Variants in CNTN5 observed in about 807,000 individuals in gnomAD.
CNTN5 encodes the protein contactin-5.
Under a neutral mutation model 129.1 loss-of-function variants are expected in CNTN5, and 77 were observed. The observed-to-expected ratio is 0.60, with a 90% CI of 0.50 to 0.72. The LOEUF is 0.72. Among genes scored for constraint, CNTN5 ranks in the 30% least tolerant of loss-of-function variants. CNTN5 has a pLI of 0.00. For synonymous variants in CNTN5, 509 were observed against 465.6 expected, an observed-to-expected ratio of 1.09 and a Z score of -1.20; for missense variants, 1,478 against 1,328.8, an observed-to-expected ratio of 1.11 and a Z score of -1.75.
intron 3 of CNTN5, among the ~76,000 whole-genome samples, chr11:99,699,986 TATGAATAC>T (rs921725247): frequency 1.2e-4 from 18 of 151,420 alleles, no homozygotes; most frequent in Admixed American, 9.3e-4. Context: ...TGAATGAATA[TATGAATAC>T]ATGAATACAT....
intron 3 of CNTN5, among the ~76,000 whole-genome samples, chr11:99,667,235 T>C (rs1952829469): frequency 6.6e-6 from 1 of 152,118 alleles, no homozygotes; most frequent in African/African-American, 2.4e-5. Flanking sequence ...TTTTACCATG[T>C]GTACCTCTCT....
intron 1 of CNTN5, among the ~76,000 whole-genome samples, chr11:99,074,816 C>CAAAAAG (rs774092442): frequency 1.3e-4 from 19 of 151,360 alleles, no homozygotes; most frequent in Non-Finnish European, 1.3e-4. Context: ...TCAGTAGATT[C>CAAAAAG]AAAAAGAAAA....
chr11:99,377,456 A>G (rs1218466009), intron 2 of CNTN5, among the ~76,000 whole-genome samples: 1 of 151,900 alleles, frequency 6.6e-6, no homozygotes, highest in East Asian at 1.9e-4. Context: ...GTTTTTTTTA[A>G]ATATTGTTTG....
chr11:100,056,764 C>A (rs1943245031), intron 9 of CNTN5, among the ~76,000 whole-genome samples: 1 of 151,490 alleles, frequency 6.6e-6, no homozygotes, highest in Non-Finnish European at 1.5e-5. Context: ...GAGGAGTGAG[C>A]AGACTCCAGG....
intron 9 of CNTN5, among the ~76,000 whole-genome samples, chr11:100,060,867 C>G (rs1049084947): frequency 1.3e-5 from 2 of 152,016 alleles, no homozygotes. Context: ...TCTCGAACTC[C>G]TGACTTAAGG....
At chr11:99,765,444 A>G (rs375525095) in intron 3 of CNTN5, among the ~76,000 whole-genome samples, 2 of 151,840 alleles carry the variant, frequency 1.3e-5, no homozygotes, top group East Asian at 1.9e-4. Context: ...GGATCATAAG[A>G]CACAACTATA....
intron 2 of CNTN5, among the ~76,000 whole-genome samples, chr11:99,391,960 G>A (rs77546579): frequency 0.029 from 4,419 of 151,894 alleles, 205 homozygotes; most frequent in African/African-American, 0.1. Context: ...AGGATAAAAT[G>A]AAACAGCACA....
chr11:99,101,923 A>G (rs1210564739), intron 1 of CNTN5, among the ~76,000 whole-genome samples: 1 of 152,156 alleles, frequency 6.6e-6, no homozygotes, highest in African/African-American at 2.4e-5. Flanking sequence ...TGCCTTCTGC[A>G]CTTCCCCAGC....
Position 99,097,493 on chromosome 11 carries a change from T to A in CNTN5, c.-210+76223T>A, listed in dbSNP as rs562060148. Among the ~76,000 whole-genome samples, 9 of 152,092 alleles carry A rather than the reference T, an allele frequency of 5.9e-5. No individual in the cohort carries two copies. In the East Asian group the frequency reaches 1.4e-3, roughly 23 times the overall value. ...TTTTTTCTGTGATATTTACATAATT[T>A]TGAAATCAAATCCATAATAGCATAC... On this transcript the variant is annotated intron_variant, in intron 1 of 24. Coordinates refer to ENST00000524871, the MANE Select transcript of CNTN5 (RefSeq NM_014361.4).
chr11:99,645,947 TAAA>T (rs1378898656), intron 3 of CNTN5, among the ~76,000 whole-genome samples: 1 of 152,154 alleles, frequency 6.6e-6, no homozygotes, highest in African/African-American at 2.4e-5. Context: ...AAGTATAACT[TAAA>T]AAATAATTGC....
At chr11:99,435,424 C>G in intron 2 of CNTN5, among the ~76,000 whole-genome samples, 1 of 152,098 alleles carries the variant, frequency 6.6e-6, no homozygotes, top group East Asian at 1.9e-4. Flanking sequence ...CTTGCTATCT[C>G]AACAGGGGTT....
At chr11:99,907,829 C>A (rs1394704370) in intron 6 of CNTN5, among the ~76,000 whole-genome samples, 1 of 151,976 alleles carries the variant, frequency 6.6e-6, no homozygotes, top group African/African-American at 2.4e-5. Flanking sequence ...AATTTTTATA[C>A]TGATAACATT....
chr11:99,862,971 G>A (rs909573256), intron 6 of CNTN5, among the ~76,000 whole-genome samples: 9 of 152,016 alleles, frequency 5.9e-5, no homozygotes, highest in Non-Finnish European at 1.0e-4. Context: ...AGGTGGCTTT[G>A]ATTACACTAA....
intron 3 of CNTN5, among the ~76,000 whole-genome samples, chr11:99,786,946 A>G (rs1156590255): frequency 6.6e-6 from 1 of 152,164 alleles, no homozygotes; most frequent in Non-Finnish European, 1.5e-5. Context: ...TATTTGCTAG[A>G]CAAATTCTTA....
At position 99,362,735 on chromosome 11, in the gene CNTN5, G is replaced by A. The variant is rs189318968; in HGVS notation, c.-71+37251G>A. 5.3e-5 allele frequency among the ~76,000 whole-genome samples: 8 copies of A among 151,384 alleles called. No individual in the cohort carries two copies. The East Asian group carries it at 5.8e-4, about 11-fold the overall frequency. The stretch of plus-strand genomic sequence containing the variant: ...GTACAGGTCCAACTTCATTATCTTC[G>A]ATGTGGATATTCAATTTTTTTCAAA... On this transcript the variant is annotated intron_variant, in intron 2 of 24. Coordinates refer to ENST00000524871, the MANE Select transcript of CNTN5 (RefSeq NM_014361.4).
chr11:99,967,822 G>T (rs1951135797), intron 8 of CNTN5, among the ~76,000 whole-genome samples: 1 of 151,918 alleles, frequency 6.6e-6, no homozygotes, highest in Non-Finnish European at 1.5e-5. Context: ...TGGCAATTTT[G>T]TACCTTCATT....
chr11:99,355,836 G>GTT (rs1034821940), intron 2 of CNTN5, among the ~76,000 whole-genome samples: 1 of 79,770 alleles, frequency 1.3e-5, no homozygotes, highest in Non-Finnish European at 2.7e-5. Flanking sequence ...TTTTTTTTTT[G>GTT]TTTTTTTTGA....
At chr11:99,714,504 A>G (rs1240711594) in intron 3 of CNTN5, among the ~76,000 whole-genome samples, 1 of 152,010 alleles carries the variant, frequency 6.6e-6, no homozygotes, top group African/African-American at 2.4e-5. Flanking sequence ...TTTTTGGATA[A>G]GAGAAAGAAG....
intron 1 of CNTN5, among the ~76,000 whole-genome samples, chr11:99,259,658 ATG>A (rs746670974): frequency 6.6e-6 from 1 of 151,560 alleles, no homozygotes; most frequent in African/African-American, 2.4e-5. Context: ...GTTTAAAGGA[ATG>A]TGTGTGTGTG....
Sources: gnomAD v4.1 joint callset for allele counts (sites outside exome capture counted in the v4.1 genomes callset) on GRCh38, gnomAD v4.1.1 for gene constraint, MANE v1.5 for transcripts, NCBI Gene and HGNC (gene_info 2026-07-23, HGNC 2026-07-21) for gene names.